The following TH variants were observed in gnomAD, a reference collection of about 807,000 sequenced individuals.
The protein encoded by TH is tyrosine 3-monooxygenase.
Under a neutral mutation model 57.4 loss-of-function variants are expected in TH, and 49 were observed. The ratio of observed to expected loss-of-function variants is 0.85; its 90% confidence interval spans 0.68 to 1.08. TH has a LOEUF of 1.08. Among genes scored for constraint, TH ranks in the 50% least tolerant of loss-of-function variants. The pLI is 0.00. For synonymous variants in TH, 330 were observed against 304.5 expected, an observed-to-expected ratio of 1.08 and a Z score of -0.87; for missense variants, 720 against 696.7, an observed-to-expected ratio of 1.03 and a Z score of -0.38.
intron 2 of TH, among the ~76,000 whole-genome samples, chr11:2,169,296 T>C (rs957925883): frequency 6.6e-6 from 1 of 151,290 alleles, no homozygotes; most frequent in Non-Finnish European, 1.5e-5. Flanking sequence ...GCCACTGTGC[T>C]GGGTGGGTGG....
chr11:2,166,692 G>C lies in TH; in HGVS notation c.918C>G (p.Arg306=). ...ARDFLASLAF[R]VFQCTQYIRH... The stretch of plus-strand genomic sequence containing the variant: ...GGATATACTGGGTGCACTGGAACAC[G>C]CGGAAGGCCAGGCTGGCCAGGAAGT... The change falls in exon 8 of 13, where the codon CGC becomes CGG. Residue 306 remains arginine (R), a synonymous_variant. Coordinates refer to ENST00000352909, the MANE Select transcript of TH (RefSeq NM_000360.4). The C allele has an allele frequency of 1.3e-6, 2 of 1,559,574 alleles. No individual in the cohort carries two copies. Among genetic ancestry groups the C allele is most frequent in the East Asian group, 2.4e-5 (1 of 41,920 alleles).
Position 2,168,272 on chromosome 11 carries a change from G to A in TH, c.488-93C>T. The A allele has an allele frequency of 3.4e-6, 5 of 1,454,618 alleles. No individual in the cohort carries two copies. In the South Asian group the frequency reaches 5.7e-5, roughly 17 times the overall value. 90.1% of individuals were successfully genotyped at this position (1,454,618 alleles called of 1,614,324 possible). A position where few individuals can be genotyped will look rare whatever the true frequency, so the allele number is the denominator to read the frequency against. On this transcript the variant is annotated intron_variant, in intron 3 of 12. Transcript: ENST00000352909. ...AGCAGCCTCCCCTACAAGACTTCCG[G>A]GGGGCAGAGGCAGCCGGGGCTGTGA...
chr11:2,171,809 T>TC lies in TH; in HGVS notation c.-24dup, dbSNP rs749378432. ...CATGGCTCAGTGTGGAGGTCCGGGC[T>TC]CCGTCTCCACAGCCCTGGCCCAGCA... On this transcript the variant is annotated 5_prime_UTR_variant, in exon 1 of 13. Transcript: ENST00000352909. This position sits in a 1 kb window ranked among gnomAD's most constrained non-coding sequence, Gnocchi z 8.6. 27 of 1,605,126 alleles carry TC rather than the reference T, an allele frequency of 1.7e-5. No individual in the cohort carries two copies. The highest frequency in any genetic ancestry group is 2.3e-5 in the Non-Finnish European group (27 of 1,177,000).
In TH at chr11:2,168,498, C is replaced by T. The variant is rs771866530; in HGVS notation, c.480G>A (p.Gly160=). The T allele has an allele frequency of 2.5e-6, 4 of 1,612,288 alleles. No individual in the cohort carries two copies. The South Asian group carries it at 4.4e-5, about 18-fold the overall frequency. ...QVSEDVRSPA[G]PKVPWFPRKV... Reference sequence around the variant, plus strand: ...GACAGAAAACCGCCTCACCCTTGGGCCCCGCGGGGCTGCGCACGTCCTCTG... The same window carrying T: ...GACAGAAAACCGCCTCACCCTTGGGTCCCGCGGGGCTGCGCACGTCCTCTG... The change falls in exon 3 of 13, where the codon GGG becomes GGA. Residue 160 remains glycine, a synonymous_variant. Transcript: ENST00000352909.
At chr11:2,165,485 G>A (rs1037478013) in intron 11 of TH, 120 bp from the exon 12 acceptor site, 72 of 1,500,220 alleles carry the variant, frequency 4.8e-5, no homozygotes, top group South Asian at 1.7e-4. Flanking sequence ...CTCCCCCGCC[G>A]GGCCTTCGGA....
chr11:2,165,654 G>A lies in TH; in HGVS notation c.1200+14C>T. The A allele has an allele frequency of 6.2e-7, 1 of 1,612,206 alleles. No homozygotes were observed. Among genetic ancestry groups the A allele is most frequent in the Non-Finnish European group, 8.5e-7 (1 of 1,179,554 alleles). On this transcript the variant is annotated intron_variant, in intron 11 of 12. Coordinates refer to ENST00000352909, the MANE Select transcript of TH (RefSeq NM_000360.4). ...GCCCCTCTGCTGGGGGCTGCAGCAA[G>A]GAGAGACTCTCACCAGGAGCTCCCC...
At chr11:2,165,824 G>C in intron 10 of TH, 61 bp from the exon 11 acceptor site, 1 of 1,573,184 alleles carries the variant, frequency 6.4e-7, no homozygotes, top group Non-Finnish European at 8.6e-7. Context: ...GCAGCCCCTG[G>C]TCACCCGTGA....
At chr11:2,166,373 C>T (rs1282826675) in intron 9 of TH, 107 bp downstream of exon 9, 1 of 1,400,982 alleles carries the variant, frequency 7.1e-7, no homozygotes, top group Non-Finnish European at 9.5e-7. Flanking sequence ...TTGGCGGGGC[C>T]CGGGAGCAGG....
At chr11:2,169,492 G>A (rs991950925) in intron 2 of TH, among the ~76,000 whole-genome samples, 158 bp downstream of exon 2, 9 of 152,124 alleles carry the variant, frequency 5.9e-5, no homozygotes, top group African/African-American at 1.9e-4. Flanking sequence ...TAGATGCCAT[G>A]GGGGCTGAGC....
At position 2,167,823 on chromosome 11, in the gene TH, C is replaced by T. The variant is rs777592853; in HGVS notation, c.644+43G>A. 32 of 1,562,774 alleles carry T rather than the reference C, an allele frequency of 2.0e-5. No homozygotes were observed. The East Asian group carries it at 7.1e-4, about 35-fold the overall frequency. On this transcript the variant is annotated intron_variant, in intron 5 of 12. Transcript: ENST00000352909. Reference sequence around the variant, plus strand: ...TCCCACCCCCCAGGTCCAGCGTCAGCCTGCAGGACGGAGTCTGGGTCCCGA... The same window carrying T: ...TCCCACCCCCCAGGTCCAGCGTCAGTCTGCAGGACGGAGTCTGGGTCCCGA...
chr11:2,166,796 G>T, intron 7 of TH, 28 bp from the exon 8 acceptor site: 2 of 1,548,162 alleles, frequency 1.3e-6, no homozygotes, highest in Non-Finnish European at 1.7e-6. Flanking sequence ...GGTCACTGCC[G>T]AGCCGGGACG....
rs1168215208 is a variant in TH at position 2,168,597 on chromosome 11, G to T, written c.381C>A (p.His127Gln). Residue 127 changes from histidine (H) to glutamine (Q), a missense_variant, in exon 3 of 13, where the codon CAC (histidine) becomes CAA (glutamine). His to Gln is a conservative substitution (Grantham distance 24). Coordinates refer to ENST00000352909, the MANE Select transcript of TH (RefSeq NM_000360.4). ...CCTCGAGGCGCACGAAGTACTCCAG[G>T]TGGGGGCCCCCAGCTCGCGGCCTCT... ...PAQRPRAGGP[H>Q]LEYFVRLEVR... is the part of the protein sequence containing the mutation. 2 of 1,611,988 alleles carry T rather than the reference G, an allele frequency of 1.2e-6. No individual in the cohort carries two copies. Among genetic ancestry groups the T allele is most frequent in the Admixed American group, 3.3e-5 (2 of 59,992 alleles).
At chr11:2,167,600 GGTTGGAGGATGGA>G in intron 5 of TH, 115 bp from the exon 6 acceptor site, 1 of 1,324,438 alleles carries the variant, frequency 7.6e-7, no homozygotes, top group Non-Finnish European at 1.0e-6. Flanking sequence ...GAGGCCTTTG[GGTTGGAGGATGGA>G]CAGGAGGGTG....
chr11:2,168,655 G>A lies in TH; in HGVS notation c.323C>T (p.Ala108Val). ...RAVKVFETFE[A>V]KIHHLETRPA... ...CCGGGTCTCTAGATGGTGGATTTTG[G>A]CTTCAAACGTCTTAGGGAGCAAAAG... Residue 108 changes from alanine (A) to valine (V), a missense_variant, in exon 3 of 13, where the codon GCC (alanine) becomes GTC (valine). By Grantham distance (64) the Ala-to-Val change is moderately conservative. Coordinates refer to ENST00000352909, the MANE Select transcript of TH (RefSeq NM_000360.4). 6.7e-7 allele frequency: 1 copy of A among 1,497,538 alleles called. No individual in the cohort carries two copies. Among genetic ancestry groups the A allele is most frequent in the South Asian group, 1.1e-5 (1 of 89,626 alleles). 92.8% of individuals were successfully genotyped at this position (1,497,538 alleles called of 1,614,324 possible).
At chr11:2,169,978 G>A in intron 1 of TH, 107 bp from the exon 2 acceptor site, 1 of 1,172,278 alleles carries the variant, frequency 8.5e-7, no homozygotes, top group Non-Finnish European at 1.2e-6. Flanking sequence ...ACAGAGGCAG[G>A]GGATGAGAGC....
At position 2,170,845 on chromosome 11, in the gene TH, C is replaced by T. The variant is rs1296776523; in HGVS notation, c.90+852G>A. ...GGCGGGGGAGGACGGGGGAGGGCGC[C>T]CTGTGTCCCTGAGAAGGTACCTGGA... On this transcript the variant is annotated intron_variant, in intron 1 of 12. Transcript: ENST00000352909. This position sits in a 1 kb window ranked among gnomAD's most constrained non-coding sequence, Gnocchi z 6.0. 2 of 645,986 alleles carry T rather than the reference C, an allele frequency of 3.1e-6. No homozygotes were observed. The highest frequency in any genetic ancestry group is 2.8e-5 in the East Asian group (1 of 36,312). 40.0% of individuals were successfully genotyped at this position (645,986 alleles called of 1,614,324 possible).
rs947246819 is a variant in TH at position 2,166,805 on chromosome 11, C to T, written c.842-37G>A. On this transcript the variant is annotated intron_variant, in intron 7 of 12. Coordinates refer to ENST00000352909, the MANE Select transcript of TH (RefSeq NM_000360.4). ...CACGCGGGTCACTGCCGAGCCGGGACGGGCTGGAGCCGCGCTGGGGTGGGG... is the reference window on the plus strand; with the variant it reads ...CACGCGGGTCACTGCCGAGCCGGGATGGGCTGGAGCCGCGCTGGGGTGGGG... 2.6e-6 allele frequency: 4 copies of T among 1,549,150 alleles called. No individual in the cohort carries two copies. The African/African-American group carries it at 4.1e-5, about 16-fold the overall frequency.
In TH at chr11:2,171,696, C is replaced by G; in HGVS notation, c.90+1G>C. On this transcript the variant is annotated splice_donor_variant, in intron 1 of 12. Coordinates refer to ENST00000352909, the MANE Select transcript of TH (RefSeq NM_000360.4). LOFTEE classifies it high-confidence loss of function. This position sits in a 1 kb window ranked among gnomAD's most constrained non-coding sequence, Gnocchi z 8.6. ...CGCCGGGCACCTACCTGCCCTCTTA[C>G]CATGATGGCCTCTGCCTGCTTGGCG... The G allele has an allele frequency of 6.2e-7, 1 of 1,611,936 alleles. No individual in the cohort carries two copies. The highest frequency in any genetic ancestry group is 8.5e-7 in the Non-Finnish European group (1 of 1,179,802).
chr11:2,170,813 A>T lies in TH; in HGVS notation c.90+884T>A. ...GATGGGGAGCCTGGTGGGGGAGGGTAGGGGAGGGCGGGGGAGGACGGGGGA... is the reference window on the plus strand; with the variant it reads ...GATGGGGAGCCTGGTGGGGGAGGGTTGGGGAGGGCGGGGGAGGACGGGGGA... On this transcript the variant is annotated intron_variant, in intron 1 of 12. Coordinates refer to ENST00000352909, the MANE Select transcript of TH (RefSeq NM_000360.4). The surrounding 1 kb of genome is among the most constrained non-coding windows in gnomAD (Gnocchi z 6.0). 5.1e-5 allele frequency: 1 copy of T among 19,686 alleles called. No homozygotes were observed. Among genetic ancestry groups the T allele is most frequent in the Non-Finnish European group, 8.2e-5 (1 of 12,146 alleles). 1.2% of individuals were successfully genotyped at this position (19,686 alleles called of 1,614,324 possible). A position where few individuals can be genotyped will look rare whatever the true frequency, so the allele number is the denominator to read the frequency against.
Sources: gnomAD v4.1 joint callset for allele counts (sites outside exome capture counted in the v4.1 genomes callset) on GRCh38, gnomAD v4.1.1 for gene constraint, Gnocchi (gnomAD v3.1) non-coding constraint, MANE v1.5 for transcripts, NCBI Gene and HGNC (gene_info 2026-07-23, HGNC 2026-07-21) for gene names.